MPHOSPH9: variants seen among roughly 807,000 people sequenced by gnomAD.
MPHOSPH9 encodes M-phase phosphoprotein 9.
In MPHOSPH9, 88 loss-of-function variants were observed where a neutral mutation model predicts 145.5. That is an observed-to-expected ratio of 0.60 (90% CI 0.51 to 0.72). The LOEUF (loss-of-function observed/expected upper bound fraction) is 0.72, where lower values mean the gene tolerates loss of function less well. MPHOSPH9 is among the 30% of genes least tolerant of loss of function. The pLI is 0.00. For missense variants in MPHOSPH9, 1,238 were observed against 1,386.6 expected (o/e 0.89, Z 1.70); for synonymous variants, 435 against 486.2 (o/e 0.89, Z 1.39).
chr12:123,169,166 C>T (rs1430329156), intron 16 of MPHOSPH9, among the ~76,000 whole-genome samples: 2 of 151,470 alleles, frequency 1.3e-5, no homozygotes, highest in African/African-American at 2.4e-5. Flanking sequence ...GGATTACAGG[C>T]GTGAGCCACT....
chr12:123,219,767 A>G (rs1201295605), intron 5 of MPHOSPH9, among the ~76,000 whole-genome samples: 1 of 152,134 alleles, frequency 6.6e-6, no homozygotes, highest in Non-Finnish European at 1.5e-5. Context: ...GAAACTAAAA[A>G]CTTGGGATAA....
At chr12:123,165,252 AT>A in intron 18 of MPHOSPH9, 49 bp downstream of exon 18, 1 of 1,476,430 alleles carries the variant, frequency 6.8e-7, no homozygotes. Context: ...GGTAATATAA[AT>A]GGGGAAAAGA....
At position 123,194,519 on chromosome 12, in the gene MPHOSPH9, C is replaced by T. The variant is rs1052082622; in HGVS notation, c.2108G>A (p.Ser703Asn). 2 of 1,613,142 alleles carry T rather than the reference C, an allele frequency of 1.2e-6. No homozygotes were observed. Among genetic ancestry groups the T allele is most frequent in the Non-Finnish European group, 1.7e-6 (2 of 1,179,802 alleles). The change falls in exon 13 of 24, where the codon AGT becomes AAT. Residue 703 changes from serine (S) to asparagine (N), a missense_variant. Physicochemically the swap from Ser to Asn is conservative, Grantham distance 46. Transcript: ENST00000606320. Reference sequence around the variant, plus strand: ...AATGATGGTATTGTCTTTTTCTTTACTGCTTGTTCTCATTTCTTCAATTCG... The same window carrying T: ...AATGATGGTATTGTCTTTTTCTTTATTGCTTGTTCTCATTTCTTCAATTCG... The part of the protein sequence containing the change: ...QERIEEMRTS[S>N]KEKDNTIIRL...
intron 7 of MPHOSPH9, among the ~76,000 whole-genome samples, chr12:123,210,891 C>G (rs1157083371): frequency 6.7e-6 from 1 of 150,346 alleles, no homozygotes; most frequent in African/African-American, 2.4e-5. Context: ...CTCCCGAGTT[C>G]AAGCAATTCT....
intron 22 of MPHOSPH9, 41 bp from the exon 23 acceptor site, chr12:123,160,890 G>T: frequency 6.3e-7 from 1 of 1,592,758 alleles, no homozygotes; most frequent in Non-Finnish European, 8.6e-7. Flanking sequence ...TTACTGGCAG[G>T]GAGGTTTATC....
intron 4 of MPHOSPH9, among the ~76,000 whole-genome samples, chr12:123,222,286 C>T (rs2047234609): frequency 6.7e-6 from 1 of 149,970 alleles, no homozygotes; most frequent in Admixed American, 6.7e-5. Context: ...AATCATGTCA[C>T]TGCACGCCAG....
intron 1 of MPHOSPH9, among the ~76,000 whole-genome samples, chr12:123,240,102 G>A (rs912421089): frequency 4.0e-5 from 6 of 151,736 alleles, no homozygotes; most frequent in Non-Finnish European, 7.4e-5. Flanking sequence ...GGTGGCTCAC[G>A]CCTGTAATCC....
At chr12:123,172,821 A>T (rs2044644689) in intron 16 of MPHOSPH9, among the ~76,000 whole-genome samples, 1 of 139,170 alleles carries the variant, frequency 7.2e-6, no homozygotes. Flanking sequence ...GCTTGAGTGT[A>T]TGACAGTATT....
At position 123,198,288 on chromosome 12, in the gene MPHOSPH9, T is replaced by A; in HGVS notation, c.1984A>T (p.Arg662Ter). The A allele has an allele frequency of 6.2e-7, 1 of 1,612,454 alleles. No individual in the cohort carries two copies. The highest frequency in any genetic ancestry group is 8.5e-7 in the Non-Finnish European group (1 of 1,179,104). The change falls in exon 12 of 24, where the codon AGA (arginine) becomes TGA (stop). Residue 662 changes from arginine to a stop codon, truncating the protein, a stop_gained. Coordinates refer to ENST00000606320, the MANE Select transcript of MPHOSPH9 (RefSeq NM_022782.4). LOFTEE classifies it high-confidence loss of function. ...AAGTTATTCTTATTTTCAAGTGTTC[T>A]CACGCGACTAGTAGCTTCATGCAAA... is the stretch of plus-strand genomic sequence containing the variant. Reference protein sequence around the residue: ...SALHEATSRVRTLENKNNLLE... With the variant: ...SALHEATSRV
At chr12:123,214,617 A>T (rs2046880914) in intron 7 of MPHOSPH9, 127 bp downstream of exon 7, 1 of 708,676 alleles carries the variant, frequency 1.4e-6, no homozygotes, top group Admixed American at 2.3e-5. Context: ...ATACTACTAT[A>T]CAGTATCATC....
intron 18 of MPHOSPH9, among the ~76,000 whole-genome samples, chr12:123,164,864 C>T (rs181174569): frequency 6.6e-6 from 1 of 152,028 alleles, no homozygotes; most frequent in Admixed American, 6.6e-5. Flanking sequence ...TTAAAATTAG[C>T]CGGGGGTGCT....
intron 1 of MPHOSPH9, among the ~76,000 whole-genome samples, chr12:123,241,697 G>A (rs2047940350): frequency 1.3e-5 from 2 of 151,660 alleles, no homozygotes; most frequent in East Asian, 2.0e-4. Context: ...GACAGCTTCT[G>A]GGCTCAAGCA....
chr12:123,205,841 T>C (rs2138393720), intron 8 of MPHOSPH9, among the ~76,000 whole-genome samples: 1 of 152,298 alleles, frequency 6.6e-6, no homozygotes, highest in South Asian at 2.1e-4. Context: ...TTGGGCCAAG[T>C]TGTGGTTGTG....
intron 1 of MPHOSPH9, among the ~76,000 whole-genome samples, chr12:123,240,343 G>A (rs530885954): frequency 7.3e-5 from 11 of 151,160 alleles, no homozygotes; most frequent in African/African-American, 2.7e-4. Flanking sequence ...CGGAGACTCC[G>A]TCTAAAAAAA....
At chr12:123,219,016 C>T (rs538543401) in intron 5 of MPHOSPH9, among the ~76,000 whole-genome samples, 39 of 152,072 alleles carry the variant, frequency 2.6e-4, no homozygotes, top group African/African-American at 8.7e-4. Flanking sequence ...GATCCTCCCA[C>T]CTCAGCCTCC....
chr12:123,208,038 C>T (rs987258655), intron 8 of MPHOSPH9, among the ~76,000 whole-genome samples: 12 of 151,316 alleles, frequency 7.9e-5, no homozygotes, highest in South Asian at 2.1e-4. Context: ...GCCAACATCA[C>T]GAAACTCCCT....
At chr12:123,173,829 T>C (rs1228799927) in intron 16 of MPHOSPH9, among the ~76,000 whole-genome samples, 1 of 152,194 alleles carries the variant, frequency 6.6e-6, no homozygotes, top group Non-Finnish European at 1.5e-5. Context: ...CTGTAATAAG[T>C]TGGTAAACAT....
intron 11 of MPHOSPH9, among the ~76,000 whole-genome samples, chr12:123,199,658 T>C: frequency 6.6e-6 from 1 of 151,732 alleles, no homozygotes; most frequent in East Asian, 1.9e-4. Context: ...CCGGGCATGG[T>C]GGCGGGCGCC....
At chr12:123,211,054 G>A (rs1243945484) in intron 7 of MPHOSPH9, among the ~76,000 whole-genome samples, 6 of 144,828 alleles carry the variant, frequency 4.1e-5, no homozygotes, top group Admixed American at 2.9e-4. Flanking sequence ...GCACGAGCTC[G>A]GCTCACTGCA....
Sources: gnomAD v4.1 joint callset for allele counts (sites outside exome capture counted in the v4.1 genomes callset) on GRCh38, gnomAD v4.1.1 for gene constraint, MANE v1.5 for transcripts, NCBI Gene and HGNC (gene_info 2026-07-23, HGNC 2026-07-21) for gene names.